The following BMP2K variants were observed in gnomAD, a reference collection of about 807,000 sequenced individuals.
BMP2K encodes BMP-2-inducible protein kinase.
Under a neutral mutation model 116.0 loss-of-function variants are expected in BMP2K, and 74 were observed. The observed-to-expected ratio is 0.64, with a 90% CI of 0.53 to 0.77. The LOEUF is 0.77. BMP2K is among the 30% of genes least tolerant of loss of function. The pLI, the probability that BMP2K is intolerant of heterozygous loss-of-function variation, is 0.00. For synonymous variants in BMP2K, 486 were observed against 502.5 expected, an observed-to-expected ratio of 0.97 and a Z score of 0.44; for missense variants, 1,365 against 1,403.6, an observed-to-expected ratio of 0.97 and a Z score of 0.44.
intron 6 of BMP2K, 102 bp downstream of exon 6, chr4:78,847,371 T>C (rs1206168081): frequency 4.5e-6 from 3 of 673,870 alleles, no homozygotes; most frequent in Non-Finnish European, 6.8e-6. Context: ...TCCTAATAAG[T>C]AGAAGAGAGT....
chr4:78,841,341 C>T lies in BMP2K; in HGVS notation c.404-1044C>T, dbSNP rs999914846. Among the ~76,000 whole-genome samples the T allele has an allele frequency of 5.1e-4, 77 of 151,930 alleles. 2 individuals carry two copies. Among genetic ancestry groups the T allele is most frequent in the Non-Finnish European group, 2.9e-4 (20 of 67,994 alleles). On this transcript the variant is annotated intron_variant, in intron 3 of 15. Transcript: ENST00000502613. Reference sequence around the variant, plus strand: ...AATTTTTATTAGACTGATTTCTGTGCGAATCACATATTTACTTGCATTCTT... The same window carrying T: ...AATTTTTATTAGACTGATTTCTGTGTGAATCACATATTTACTTGCATTCTT...
intron 4 of BMP2K, among the ~76,000 whole-genome samples, chr4:78,844,251 A>G (rs1730894433): frequency 6.6e-6 from 1 of 151,732 alleles, no homozygotes; most frequent in Non-Finnish European, 1.5e-5. Flanking sequence ...ACTAATGCAC[A>G]TGAATGGTTA....
In BMP2K at chr4:78,870,993, A is replaced by G; in HGVS notation, c.1442A>G (p.Gln481Arg). Residue 481 changes from glutamine (Q) to arginine (R), a missense_variant, in exon 11 of 16, where the codon CAG becomes CGG. Coordinates refer to ENST00000502613, the MANE Select transcript of BMP2K (RefSeq NM_198892.2). ...QQQQQQQQQQ[Q>R]QQQQQHHHHH... ...CAGCAGCAACAGCAACAGCAGCAGC[A>G]GCAGCAGCAGCAGCAGCACCACCAC... is the stretch of plus-strand genomic sequence containing the variant. 1 of 1,515,188 alleles carries G rather than the reference A, an allele frequency of 6.6e-7. No homozygotes were observed. Among genetic ancestry groups the G allele is most frequent in the Non-Finnish European group, 9.1e-7 (1 of 1,102,092 alleles). The allele number at this position is 1,515,188 out of a possible 1,614,324, so 93.9% of individuals were successfully genotyped here.
chr4:78,816,418 A>G (rs1729355017), intron 1 of BMP2K, among the ~76,000 whole-genome samples: 1 of 152,150 alleles, frequency 6.6e-6, no homozygotes, highest in Admixed American at 6.5e-5. Context: ...TTGGTGAATC[A>G]ATTTTTAAAT....
In BMP2K at chr4:78,913,531, AAGG is replaced by A. The variant is rs1175531170; in HGVS notation, c.*1501_*1503del. The A allele has an allele frequency of 6.6e-6, 1 of 152,174 alleles. No individual in the cohort carries two copies. The highest frequency in any genetic ancestry group is 1.9e-4 in the East Asian group (1 of 5,206). The allele number at this position is 152,174 out of a possible 1,614,324, so 9.4% of individuals were successfully genotyped here. ...TAGAACAGTTAATGCTATTTACAGA[AAGG>A]AGTAGAAACTCATCAACTGGCACTC... On this transcript the variant is annotated 3_prime_UTR_variant, in exon 16 of 16. Coordinates refer to ENST00000502613, the MANE Select transcript of BMP2K (RefSeq NM_198892.2).
In BMP2K at chr4:78,909,055, C is replaced by CTTTTT. The variant is rs1053664659; in HGVS notation, c.2063-1535_2063-1531dup. Among the ~76,000 whole-genome samples the CTTTTT allele has an allele frequency of 3.8e-3, 355 of 94,408 alleles. 7 individuals are homozygous for CTTTTT. Among genetic ancestry groups the CTTTTT allele is most frequent in the Non-Finnish European group, 5.5e-3 (278 of 50,748 alleles). The allele number at this position is 94,408 out of a possible 152,430, so 61.9% of individuals were successfully genotyped here. ...ACTCCCCTTCTTACCTTCCCTTAGT[C>CTTTTT]TTTTTTTTTTTTTTTTTTTTTTTTG... On this transcript the variant is annotated intron_variant, in intron 15 of 15. Transcript: ENST00000502613.
intron 2 of BMP2K, among the ~76,000 whole-genome samples, chr4:78,829,793 TTCTCTTCTC>T (rs1560518725): frequency 1.7e-3 from 137 of 81,008 alleles, no homozygotes; most frequent in African/African-American, 5.2e-3. Flanking sequence ...TTCTTTTCTC[TTCTCTTCTC>T]TTCTCTTCTC....
chr4:78,902,593 G>T lies in BMP2K; in HGVS notation c.2063-8017G>T, dbSNP rs144741979. Among the ~76,000 whole-genome samples, 412 of 152,208 alleles carry T rather than the reference G, an allele frequency of 2.7e-3. 1 individual carries two copies. Among genetic ancestry groups the T allele is most frequent in the Non-Finnish European group, 3.9e-3 (266 of 68,010 alleles). On this transcript the variant is annotated intron_variant, in intron 15 of 15. Coordinates refer to ENST00000502613, the MANE Select transcript of BMP2K (RefSeq NM_198892.2). ...ACCCTCAATGATGAGACAACAGAAGGCATGTAATTACAATAGAAGTTTCAA... is the reference window on the plus strand; with the variant it reads ...ACCCTCAATGATGAGACAACAGAAGTCATGTAATTACAATAGAAGTTTCAA...
At chr4:78,790,671 A>G (rs1031760669) in intron 1 of BMP2K, among the ~76,000 whole-genome samples, 9 of 152,208 alleles carry the variant, frequency 5.9e-5, no homozygotes, top group Non-Finnish European at 1.2e-4. Context: ...CACCATCATT[A>G]TCAAGAAGAA....
intron 3 of BMP2K, among the ~76,000 whole-genome samples, chr4:78,836,218 C>T (rs1730469287): frequency 6.6e-6 from 1 of 151,874 alleles, no homozygotes; most frequent in South Asian, 2.1e-4. Flanking sequence ...GAGTTCGAGA[C>T]CAGCCTGACC....
At chr4:78,847,846 G>T (rs372321381) in intron 6 of BMP2K, among the ~76,000 whole-genome samples, 214 of 151,584 alleles carry the variant, frequency 1.4e-3, no homozygotes, top group Non-Finnish European at 2.5e-3. Flanking sequence ...TTATAAATAC[G>T]TTTGTGATTG....
chr4:78,857,673 G>A (rs978487263), intron 7 of BMP2K, among the ~76,000 whole-genome samples: 4 of 152,032 alleles, frequency 2.6e-5, no homozygotes, highest in Non-Finnish European at 4.4e-5. Context: ...CATACTGATA[G>A]CGTGTTTAAA....
At position 78,882,263 on chromosome 4, in the gene BMP2K, C is replaced by T. The variant is rs574019219; in HGVS notation, c.1951+3372C>T. On this transcript the variant is annotated intron_variant, in intron 14 of 15. Coordinates refer to ENST00000502613, the MANE Select transcript of BMP2K (RefSeq NM_198892.2). ...TGATCTTTAAGAAAACAGTTGATTT[C>T]CTATACTAGGCAAAGGGATTTAATA... Among the ~76,000 whole-genome samples the T allele has an allele frequency of 1.6e-4, 25 of 151,730 alleles. No homozygotes were observed. In the South Asian group the frequency reaches 4.6e-3, roughly 28 times the overall value.
chr4:78,866,037 G>GA (rs35742295), intron 10 of BMP2K, among the ~76,000 whole-genome samples: 8 of 152,112 alleles, frequency 5.3e-5, no homozygotes, highest in Admixed American at 6.5e-5. Context: ...CAACGGTATG[G>GA]AAAAAGTCTA....
Position 78,912,102 on chromosome 4 carries a change from A to G in BMP2K, c.*69A>G. On this transcript the variant is annotated 3_prime_UTR_variant, in exon 16 of 16. Coordinates refer to ENST00000502613, the MANE Select transcript of BMP2K (RefSeq NM_198892.2). ...GTGTGAACAGTTTTATGAATTTGAA[A>G]GAAAATTTGGTAGCTCTTTATAGCA... is the stretch of plus-strand genomic sequence containing the variant. The G allele has an allele frequency of 7.0e-7, 1 of 1,424,038 alleles. No homozygotes were observed. The highest frequency in any genetic ancestry group is 9.6e-7 in the Non-Finnish European group (1 of 1,044,806). The allele number at this position is 1,424,038 out of a possible 1,614,324, so 88.2% of individuals were successfully genotyped here.
chr4:78,860,770 C>CTTTT (rs139384663), intron 8 of BMP2K, among the ~76,000 whole-genome samples: 38 of 101,918 alleles, frequency 3.7e-4, no homozygotes, highest in South Asian at 9.5e-4. Flanking sequence ...GGTACCTTTC[C>CTTTT]TTTTTTTTTT....
At chr4:78,861,270 TGAAA>T in intron 8 of BMP2K, 115 bp from the exon 9 acceptor site, 3 of 682,220 alleles carry the variant, frequency 4.4e-6, no homozygotes, top group Non-Finnish European at 7.1e-6. Flanking sequence ...GTATCTGATG[TGAAA>T]GTAATAGTGT....
At chr4:78,849,390 G>C (rs867535497) in intron 6 of BMP2K, among the ~76,000 whole-genome samples, 4 of 151,410 alleles carry the variant, frequency 2.6e-5, no homozygotes, top group Admixed American at 1.3e-4. Context: ...TTACAAAGCA[G>C]AATATTTAGA....
At chr4:78,795,984 G>T (rs1455346281) in intron 1 of BMP2K, among the ~76,000 whole-genome samples, 2 of 151,610 alleles carry the variant, frequency 1.3e-5, no homozygotes, top group Admixed American at 6.6e-5. Context: ...TCAGTGTGGC[G>T]ATTCCTCAGG....
Sources: gnomAD v4.1 joint callset for allele counts (sites outside exome capture counted in the v4.1 genomes callset) on GRCh38, gnomAD v4.1.1 for gene constraint, MANE v1.5 for transcripts, NCBI Gene and HGNC (gene_info 2026-07-23, HGNC 2026-07-21) for gene names.